The following GPI variants were observed in gnomAD, a reference collection of about 807,000 sequenced individuals.
The protein encoded by GPI is D-hexose-6-phosphate anomerase.
Under a neutral mutation model 75.8 loss-of-function variants are expected in GPI, and 56 were observed. The ratio of observed to expected loss-of-function variants is 0.74; its 90% CI spans 0.60 to 0.92. GPI has a LOEUF of 0.92. Ranked by LOEUF, GPI falls within the 40% of genes least tolerant of loss-of-function variation. The probability of loss-of-function intolerance (pLI) is 0.00; values close to 1 mark genes in which losing one functional copy is unlikely to be tolerated. For missense variants in GPI, 638 were observed against 741.0 expected, an observed-to-expected ratio of 0.86 and a Z score of 1.61; for synonymous variants, 288 against 285.4, an observed-to-expected ratio of 1.01 and a Z score of -0.09.
At chr19:34,363,507 C>T (rs541265506), upstream of GPI, 1 of 151,348 alleles carries the variant, frequency 6.6e-6, no homozygotes, top group South Asian at 2.1e-4. Context: ...CTTAGAAAAC[C>T]CTGATTGGAG....
chr19:34,379,894 G>A (rs1346797044), intron 8 of GPI: 1 of 488,956 alleles, frequency 2.0e-6, no homozygotes, highest in African/African-American at 2.0e-5. Context: ...GACATGCTAG[G>A]TAGGGGTAGA....
At chr19:34,367,663 T>G (rs2145322414) in intron 3 of GPI, among the ~76,000 whole-genome samples, 1 of 152,292 alleles carries the variant, frequency 6.6e-6, no homozygotes, top group Non-Finnish European at 1.5e-5. Context: ...CCTCAAGGAC[T>G]CCTCTGCTGA....
Position 34,393,867 on chromosome 19 carries a change from C to A in GPI, c.910-47C>A. ...TCTCCCCCACTGTCCTGTCCCTCCC[C>A]TCCCCGTGCAGCTGCTCAGCTCCCA... On this transcript the variant is annotated intron_variant, in intron 11 of 17. Coordinates refer to ENST00000356487, the MANE Select transcript of GPI (RefSeq NM_000175.5). The surrounding 1 kb of genome is among the most constrained non-coding windows in gnomAD (Gnocchi z 4.4). The A allele has an allele frequency of 3.1e-6, 5 of 1,610,422 alleles. No individual in the cohort carries two copies. The highest frequency in any genetic ancestry group is 4.2e-6 in the Non-Finnish European group (5 of 1,177,468).
At chr19:34,383,715 T>A (rs2074690131) in intron 9 of GPI, among the ~76,000 whole-genome samples, 2 of 151,926 alleles carry the variant, frequency 1.3e-5, no homozygotes, top group Admixed American at 1.3e-4. Flanking sequence ...CTGGGGCAGG[T>A]GAGGCAGGCA....
intron 9 of GPI, among the ~76,000 whole-genome samples, chr19:34,391,125 C>G (rs2074821298): frequency 6.7e-6 from 1 of 148,620 alleles, no homozygotes; most frequent in Admixed American, 6.7e-5. Flanking sequence ...GGCCCTTGGG[C>G]TTCCAGTGCC....
At position 34,396,629 on chromosome 19, in the gene GPI, AC is replaced by A; in HGVS notation, c.1245del (p.Ile416TyrfsTer21). ...CDFLIPVQTQHPIRKGLHHKI... is the reference protein window; with the variant it reads ...CDFLIPVQTQXPIRKGLHHKI... ...TTCCTCATCCCGGTCCAGACCCAGC[AC>A]CCCATACGGAAGGGTCTGCATCACA... On this transcript the variant is annotated frameshift_variant, in exon 14 of 18. Transcript: ENST00000356487. LOFTEE classifies it high-confidence loss of function. The A allele has an allele frequency of 6.2e-7, 1 of 1,614,046 alleles. No individual in the cohort carries two copies.
At chr19:34,372,897 C>T (rs984038654) in intron 4 of GPI, among the ~76,000 whole-genome samples, 1 of 151,920 alleles carries the variant, frequency 6.6e-6, no homozygotes, top group Non-Finnish European at 1.5e-5. Flanking sequence ...CCTCAGCCTC[C>T]CGAGTAGCTG....
intron 4 of GPI, among the ~76,000 whole-genome samples, chr19:34,370,148 G>A (rs182940975): frequency 2.1e-3 from 321 of 152,304 alleles, no homozygotes; most frequent in Non-Finnish European, 3.7e-3. Context: ...CTTGTGTGTA[G>A]GGTGGTAGGG....
In GPI at chr19:34,368,666, C is replaced by T; in HGVS notation, c.366C>T (p.Val122=). The T allele has an allele frequency of 2.5e-6, 4 of 1,614,192 alleles. No homozygotes were observed. The highest frequency in any genetic ancestry group is 3.4e-6 in the Non-Finnish European group (4 of 1,180,024). ...LVDGKDVMPE[V]NKVLDKMKSF... ...ACGGCAAGGATGTGATGCCAGAGGT[C>T]AACAAGGTTCTGGACAAGATGAAGT... The change falls in exon 4 of 18, where the codon GTC becomes GTT. Residue 122 remains valine (V), a synonymous_variant. Coordinates refer to ENST00000356487, the MANE Select transcript of GPI (RefSeq NM_000175.5).
At chr19:34,396,257 G>A in intron 12 of GPI, 44 bp from the exon 13 acceptor site, 7 of 1,611,872 alleles carry the variant, frequency 4.3e-6, no homozygotes, top group Non-Finnish European at 5.9e-6. Context: ...CTTTTTAAAT[G>A]TTCTTTCATT....
At chr19:34,384,779 A>G (rs1323079256) in intron 9 of GPI, among the ~76,000 whole-genome samples, 1 of 152,200 alleles carries the variant, frequency 6.6e-6, no homozygotes, top group East Asian at 1.9e-4. Context: ...ACAGTGGCTC[A>G]CACCTATAAT....
At chr19:34,387,287 A>G (rs1338250301) in intron 9 of GPI, among the ~76,000 whole-genome samples, 1 of 152,218 alleles carries the variant, frequency 6.6e-6, no homozygotes, top group Non-Finnish European at 1.5e-5. Flanking sequence ...CAGTGCTGGT[A>G]TGTTTATCTG....
At chr19:34,394,905 G>C (rs1428602977) in intron 12 of GPI, among the ~76,000 whole-genome samples, 1 of 152,042 alleles carries the variant, frequency 6.6e-6, no homozygotes, top group African/African-American at 2.4e-5. Flanking sequence ...GTGGAAACGG[G>C]GTTTCACTAT....
chr19:34,393,856 C>T lies in GPI; in HGVS notation c.910-58C>T. The T allele has an allele frequency of 6.2e-7, 1 of 1,607,474 alleles. No individual in the cohort carries two copies. On this transcript the variant is annotated intron_variant, in intron 11 of 17. Coordinates refer to ENST00000356487, the MANE Select transcript of GPI (RefSeq NM_000175.5). The surrounding 1 kb of genome is among the most constrained non-coding windows in gnomAD (Gnocchi z 4.4). Reference sequence around the variant, plus strand: ...GTCCCCCGCTTTCTCCCCCACTGTCCTGTCCCTCCCCTCCCCGTGCAGCTG... The same window carrying T: ...GTCCCCCGCTTTCTCCCCCACTGTCTTGTCCCTCCCCTCCCCGTGCAGCTG...
intron 8 of GPI, 165 bp from the exon 9 acceptor site, chr19:34,381,301 C>T: frequency 1.4e-6 from 1 of 701,910 alleles, no homozygotes; most frequent in Admixed American, 2.0e-5. Flanking sequence ...AGATCCTGGG[C>T]CCTGCCCTCG....
At chr19:34,376,012 C>T (rs930251980) in intron 4 of GPI, among the ~76,000 whole-genome samples, 3 of 152,160 alleles carry the variant, frequency 2.0e-5, no homozygotes, top group Non-Finnish European at 4.4e-5. Context: ...CAGATTCTGC[C>T]GAGTTATCCC....
chr19:34,365,242 A>T lies in GPI; in HGVS notation c.-25A>T. 1.3e-6 allele frequency: 2 copies of T among 1,503,062 alleles called. No individual in the cohort carries two copies. Among genetic ancestry groups the T allele is most frequent in the Non-Finnish European group, 1.8e-6 (2 of 1,125,686 alleles). 93.1% of individuals were successfully genotyped at this position (1,503,062 alleles called of 1,614,324 possible). ...CTCCTTCCTCCTCGGCTCGCGTCTC[A>T]CTCAGTGTACCTTCTAGTCCCGCCA... On this transcript the variant is annotated 5_prime_UTR_variant, in exon 1 of 18. Coordinates refer to ENST00000356487, the MANE Select transcript of GPI (RefSeq NM_000175.5).
chr19:34,399,024 A>G, intron 14 of GPI, 183 bp from the exon 15 acceptor site: 1 of 544,946 alleles, frequency 1.8e-6, no homozygotes, highest in South Asian at 2.0e-5. Context: ...TAGTTCTTAA[A>G]GAGCAGTTAT....
At chr19:34,366,555 C>T (rs2074368492) in intron 2 of GPI, 120 bp downstream of exon 2, 3 of 805,822 alleles carry the variant, frequency 3.7e-6, no homozygotes, top group Middle Eastern at 5.2e-4. Context: ...ACCTCAGTCA[C>T]CTCCTCTGTG....
Sources: allele counts gnomAD v4.1 joint callset (sites outside exome capture counted in the v4.1 genomes callset), GRCh38; gene constraint gnomAD v4.1.1; non-coding constraint Gnocchi (gnomAD v3.1); transcripts MANE v1.5; gene names NCBI Gene and HGNC (gene_info 2026-07-23, HGNC 2026-07-21).